The following CHN2 variants were observed in gnomAD, a reference collection of about 807,000 sequenced individuals.
CHN2 encodes the protein beta-chimaerin.
A neutral mutation model predicts 56.3 loss-of-function variants in CHN2; 35 were observed. The observed-to-expected ratio is 0.62, with a 90% CI of 0.47 to 0.82. The LOEUF (loss-of-function observed/expected upper bound fraction) is 0.82. Among genes scored for constraint, CHN2 ranks in the 40% least tolerant of loss-of-function variants. CHN2 has a pLI of 0.00. For missense variants in CHN2, 491 were observed against 580.5 expected (o/e 0.85, Z 1.58); for synonymous variants, 210 against 212.8 (o/e 0.99, Z 0.12).
chr7:29,460,895 G>A (rs951531388), intron 6 of CHN2, among the ~76,000 whole-genome samples: 1 of 152,180 alleles, frequency 6.6e-6, no homozygotes, highest in Non-Finnish European at 1.5e-5. Context: ...CCGCTTCTCT[G>A]GGCCTCAGTT....
chr7:29,366,709 G>A (rs1478786777), intron 2 of CHN2, among the ~76,000 whole-genome samples: 1 of 152,138 alleles, frequency 6.6e-6, no homozygotes, highest in Non-Finnish European at 1.5e-5. Flanking sequence ...TGACACATTA[G>A]TGTGGGTGAC....
intron 2 of CHN2, among the ~76,000 whole-genome samples, chr7:29,354,968 ATTTATTTT>A (rs1274582919): frequency 6.0e-5 from 9 of 149,748 alleles, no homozygotes; most frequent in African/African-American, 2.0e-4. Flanking sequence ...TTATTTATTT[ATTTATTTT>A]TTATTTATTG....
intron 1 of CHN2, among the ~76,000 whole-genome samples, chr7:29,338,087 A>G (rs539994022): frequency 6.6e-6 from 1 of 152,348 alleles, no homozygotes; most frequent in Non-Finnish European, 1.5e-5. Flanking sequence ...AGGCAGGCTT[A>G]ATATACTTAC....
intron 6 of CHN2, among the ~76,000 whole-genome samples, chr7:29,468,333 G>A (rs892908919): frequency 2.6e-5 from 4 of 152,088 alleles, no homozygotes; most frequent in Non-Finnish European, 5.9e-5. Context: ...GTTCTGTGGT[G>A]GTTAGGAGGC....
intron 1 of CHN2, among the ~76,000 whole-genome samples, chr7:29,233,575 A>G (rs181390298): frequency 1.3e-5 from 2 of 152,142 alleles, no homozygotes; most frequent in Non-Finnish European, 2.9e-5. Flanking sequence ...TTTTGAGATT[A>G]AGGAGATTAT....
chr7:29,334,049 CT>C (rs70980529), intron 1 of CHN2, among the ~76,000 whole-genome samples: 1,881 of 123,120 alleles, frequency 0.015, 4 homozygotes, highest in African/African-American at 0.031. Context: ...AATTTCTTTT[CT>C]TTTTTTTTTT....
At chr7:29,249,302 A>G (rs1788309368) in intron 1 of CHN2, among the ~76,000 whole-genome samples, 3 of 152,190 alleles carry the variant, frequency 2.0e-5, no homozygotes, top group Non-Finnish European at 2.9e-5. Context: ...CCGGAGTCCA[A>G]AAGCCAGGGA....
intron 1 of CHN2, among the ~76,000 whole-genome samples, chr7:29,313,903 A>G (rs550937760): frequency 2.6e-5 from 4 of 152,294 alleles, no homozygotes; most frequent in Admixed American, 6.5e-5. Flanking sequence ...GCCTCTGTCT[A>G]GGGAGTGCCA....
chr7:29,495,540 G>C (rs1789173414), intron 7 of CHN2, among the ~76,000 whole-genome samples: 2 of 152,146 alleles, frequency 1.3e-5, no homozygotes, highest in South Asian at 4.1e-4. Flanking sequence ...TACCTGCCTG[G>C]ATAGTGTAGA....
At chr7:29,448,147 T>C (rs917163898) in intron 6 of CHN2, among the ~76,000 whole-genome samples, 3 of 152,210 alleles carry the variant, frequency 2.0e-5, no homozygotes, top group Admixed American at 1.3e-4. Flanking sequence ...ACAGTGTTAA[T>C]TTCCAAGTTC....
At chr7:29,238,015 C>CTT (rs11405147) in intron 1 of CHN2, among the ~76,000 whole-genome samples, 27,702 of 105,648 alleles carry the variant, frequency 0.26, 4,859 homozygotes, top group East Asian at 0.53. Flanking sequence ...TATGTATTCT[C>CTT]TTTTTTTTTT....
chr7:29,381,681 C>CT (rs1375049717), intron 3 of CHN2, among the ~76,000 whole-genome samples: 1 of 151,910 alleles, frequency 6.6e-6, no homozygotes, highest in Non-Finnish European at 1.5e-5. Context: ...GGGTGTGAGT[C>CT]AGAATCACCT....
At chr7:29,434,817 C>A (rs561396825) in intron 6 of CHN2, among the ~76,000 whole-genome samples, 122 of 152,306 alleles carry the variant, frequency 8.0e-4, no homozygotes, top group African/African-American at 2.8e-3. Context: ...AACAGGCCAG[C>A]ACAGTGTCTC....
At chr7:29,398,204 G>A in intron 4 of CHN2, 169 bp from the exon 5 acceptor site, 1 of 526,750 alleles carries the variant, frequency 1.9e-6, no homozygotes. Flanking sequence ...TTTGGAGCAT[G>A]TGAGGGGTGG....
In CHN2 at chr7:29,400,895, A is replaced by G. The variant is rs13246507; in HGVS notation, c.576+67A>G. On this transcript the variant is annotated intron_variant, in intron 6 of 12. Coordinates refer to ENST00000222792, the MANE Select transcript of CHN2 (RefSeq NM_004067.4). ...TGCCGCATCAACAGGCGGGTTAACT[A>G]TAGGTGCGATTTGCTGAAATGTTGG... 0.021 allele frequency: 31,306 copies of G among 1,506,044 alleles called. 411 individuals are homozygous for G. Among genetic ancestry groups the G allele is most frequent in the Middle Eastern group, 0.065 (374 of 5,720 alleles). 93.3% of individuals were successfully genotyped at this position (1,506,044 alleles called of 1,614,324 possible).
chr7:29,471,882 T>C (rs1786078712), intron 6 of CHN2, among the ~76,000 whole-genome samples: 1 of 152,190 alleles, frequency 6.6e-6, no homozygotes, highest in African/African-American at 2.4e-5. Flanking sequence ...CACCCTGATC[T>C]TTCTCATTTC....
At chr7:29,420,816 C>G (rs1479818394) in intron 6 of CHN2, among the ~76,000 whole-genome samples, 1 of 146,416 alleles carries the variant, frequency 6.8e-6, no homozygotes, top group Non-Finnish European at 1.5e-5. Flanking sequence ...TCTTTTCTTT[C>G]TTTTTTTTTT....
intron 1 of CHN2, among the ~76,000 whole-genome samples, chr7:29,263,445 G>A (rs896077105): frequency 2.6e-5 from 4 of 152,176 alleles, no homozygotes; most frequent in South Asian, 2.1e-4. Flanking sequence ...CTGCCCGGCC[G>A]CCACCCCGTA....
chr7:29,164,779 C>CA (rs55742522), intron 2 of CHN2, among the ~76,000 whole-genome samples: 10,274 of 85,706 alleles, frequency 0.12, 618 homozygotes, highest in Non-Finnish European at 0.15. Context: ...AGACCTGTCT[C>CA]AAAAAAAAAA....
Sources: allele counts gnomAD v4.1 joint callset (sites outside exome capture counted in the v4.1 genomes callset), GRCh38; gene constraint gnomAD v4.1.1; transcripts MANE v1.5; gene names NCBI Gene and HGNC (gene_info 2026-07-23, HGNC 2026-07-21).